Variants in CBLB observed in about 807,000 individuals in gnomAD.
CBLB encodes the protein E3 ubiquitin-protein ligase CBL-B.
In CBLB, 31 loss-of-function variants were observed where a neutral mutation model predicts 104.9. That is an observed-to-expected ratio of 0.30 (90% confidence interval 0.22 to 0.40). The LOEUF (loss-of-function observed/expected upper bound fraction) is 0.40, where lower values mean the gene tolerates loss of function less well. Among genes scored for constraint, CBLB ranks in the 10% least tolerant of loss-of-function variants. The pLI is 1.00. For synonymous variants in CBLB, 440 were observed against 422.6 expected, an observed-to-expected ratio of 1.04 and a Z score of -0.51; for missense variants, 1,062 against 1,214.6, an observed-to-expected ratio of 0.87 and a Z score of 1.87.
At chr3:105,864,099 C>T (rs1258594755) in intron 2 of CBLB, among the ~76,000 whole-genome samples, 1 of 152,142 alleles carries the variant, frequency 6.6e-6, no homozygotes, top group Non-Finnish European at 1.5e-5. Flanking sequence ...AAGGCAATGG[C>T]CAGCAGAATC....
intron 17 of CBLB, chr3:105,673,882 T>A (rs1287436634): frequency 6.6e-6 from 1 of 152,216 alleles, no homozygotes; most frequent in Non-Finnish European, 1.5e-5. Flanking sequence ...ACATCCAAGG[T>A]CTTCTCTTCT....
chr3:105,858,921 A>G (rs1368592602), intron 2 of CBLB, among the ~76,000 whole-genome samples: 1 of 152,184 alleles, frequency 6.6e-6, no homozygotes, highest in African/African-American at 2.4e-5. Flanking sequence ...GAATAAAAAT[A>G]TATTATTAAT....
intron 12 of CBLB, among the ~76,000 whole-genome samples, chr3:105,701,533 C>T (rs538626731): frequency 1.3e-5 from 2 of 152,068 alleles, no homozygotes; most frequent in African/African-American, 4.8e-5. Flanking sequence ...GAGGCTGAGG[C>T]GGGTGGATCC....
chr3:105,761,509 C>A, intron 4 of CBLB, among the ~76,000 whole-genome samples: 1 of 152,128 alleles, frequency 6.6e-6, no homozygotes, highest in Non-Finnish European at 1.5e-5. Flanking sequence ...CACATGAGAT[C>A]TGAGGGTTTT....
At chr3:105,835,176 C>T (rs955809378) in intron 3 of CBLB, among the ~76,000 whole-genome samples, 1 of 151,988 alleles carries the variant, frequency 6.6e-6, no homozygotes, top group East Asian at 1.9e-4. Context: ...CAAAGAATAA[C>T]CCAAAAAAAG....
intron 3 of CBLB, among the ~76,000 whole-genome samples, chr3:105,846,107 T>C (rs1473985612): frequency 6.6e-6 from 1 of 152,012 alleles, no homozygotes; most frequent in Non-Finnish European, 1.5e-5. Context: ...CAAACAAATA[T>C]AGAAAAAATG....
At chr3:105,854,714 C>T (rs903293473) in intron 2 of CBLB, among the ~76,000 whole-genome samples, 2 of 151,902 alleles carry the variant, frequency 1.3e-5, no homozygotes, top group African/African-American at 4.8e-5. Flanking sequence ...CTCACTGCAA[C>T]CTCTGCCTCC....
intron 13 of CBLB, among the ~76,000 whole-genome samples, chr3:105,687,423 G>T (rs1476727106): frequency 6.6e-6 from 1 of 151,868 alleles, no homozygotes; most frequent in Non-Finnish European, 1.5e-5. Context: ...CCACTCTTTT[G>T]CTTTGCCACA....
chr3:105,688,559 G>A (rs539377504), intron 13 of CBLB, among the ~76,000 whole-genome samples: 15 of 151,942 alleles, frequency 9.9e-5, no homozygotes, highest in Non-Finnish European at 1.9e-4. Flanking sequence ...GTATCTGAAG[G>A]CAAGTAACGA....
chr3:105,861,632 T>A (rs1284594392), intron 2 of CBLB, among the ~76,000 whole-genome samples: 1 of 151,192 alleles, frequency 6.6e-6, no homozygotes. Flanking sequence ...TTCCCATCAA[T>A]CTTTTTTTTT....
rs900845299 is a variant in CBLB at position 105,655,931 on chromosome 3, T to C, written c.*3039A>G. ...AATCTTTGCAAGTGTTCTTGGTATA[T>C]GAAATGCTGAGTTAAGAAATGGGAC... On this transcript the variant is annotated 3_prime_UTR_variant, in exon 19 of 19. Transcript: ENST00000394030. The C allele has an allele frequency of 4.4e-6, 1 of 227,040 alleles. No individual in the cohort carries two copies. The highest frequency in any genetic ancestry group is 8.8e-6 in the Non-Finnish European group (1 of 114,214). 14.1% of individuals were successfully genotyped at this position (227,040 alleles called of 1,614,324 possible).
chr3:105,818,605 T>C (rs1032162118), intron 3 of CBLB, among the ~76,000 whole-genome samples: 34 of 152,196 alleles, frequency 2.2e-4, no homozygotes, highest in African/African-American at 7.7e-4. Context: ...GAATAATTTT[T>C]ACTTTTTATA....
chr3:105,855,387 TAAGAG>T (rs2091469240), intron 2 of CBLB, among the ~76,000 whole-genome samples: 1 of 152,172 alleles, frequency 6.6e-6, no homozygotes, highest in Non-Finnish European at 1.5e-5. Flanking sequence ...GAAAATTTGC[TAAGAG>T]AACAGAGTTT....
intron 9 of CBLB, among the ~76,000 whole-genome samples, chr3:105,725,601 C>T (rs908586472): frequency 1.3e-4 from 20 of 152,116 alleles, no homozygotes; most frequent in African/African-American, 4.3e-4. Context: ...GTTACTATAA[C>T]GTGTTTGGAC....
rs907383154 is a variant in CBLB, at chr3:105,739,600, A to G, written c.983+894T>C. On this transcript the variant is annotated intron_variant, in intron 7 of 18. Coordinates refer to ENST00000394030, the MANE Select transcript of CBLB (RefSeq NM_170662.5). ...GTGAGTGGGGGAGAATTCATTATTA[A>G]TCTAAAAAACAAAGGGAAACTTAAC... 3.3e-5 allele frequency among the ~76,000 whole-genome samples: 5 copies of G among 152,332 alleles called. No homozygotes were observed. In the East Asian group the frequency reaches 9.6e-4, roughly 29 times the overall value.
At chr3:105,834,444 C>T (rs1198503323) in intron 3 of CBLB, among the ~76,000 whole-genome samples, 1 of 152,122 alleles carries the variant, frequency 6.6e-6, no homozygotes, top group Non-Finnish European at 1.5e-5. Context: ...ATCACGAGGT[C>T]AGGAGATGGA....
intron 14 of CBLB, among the ~76,000 whole-genome samples, chr3:105,684,557 CT>C (rs71627686): frequency 0.74 from 108,004 of 146,726 alleles, 39,594 homozygotes; most frequent in East Asian, 0.83. Flanking sequence ...TCCACACATT[CT>C]TTTTTTTTTT....
intron 3 of CBLB, among the ~76,000 whole-genome samples, chr3:105,800,506 C>T (rs564249883): frequency 6.6e-6 from 1 of 152,122 alleles, no homozygotes; most frequent in Non-Finnish European, 1.5e-5. Flanking sequence ...TAAGAGCTCG[C>T]CAGATGATTT....
At chr3:105,780,660 G>GTTTTTTTTTTTTT (rs58640968) in intron 3 of CBLB, among the ~76,000 whole-genome samples, 53 of 94,032 alleles carry the variant, frequency 5.6e-4, no homozygotes, top group African/African-American at 6.1e-4. Flanking sequence ...TTTGTTTTTT[G>GTTTTTTTTTTTTT]TTTTTTTTTT....
Sources: allele counts gnomAD v4.1 joint callset (sites outside exome capture counted in the v4.1 genomes callset), GRCh38; gene constraint gnomAD v4.1.1; transcripts MANE v1.5; gene names NCBI Gene and HGNC (gene_info 2026-07-23, HGNC 2026-07-21).